The following MOK variants were observed in gnomAD, a reference collection of about 807,000 sequenced individuals.
MOK encodes the protein MAPK/MAK/MRK overlapping kinase.
Under a neutral mutation model 54.2 loss-of-function variants are expected in MOK, and 59 were observed. That is an observed-to-expected ratio of 1.09 (90% CI 0.88 to 1.35). The LOEUF is 1.35. Among genes scored for constraint, MOK ranks in the 40% most tolerant of loss-of-function variants. The probability of loss-of-function intolerance (pLI) is 0.00; values close to 1 mark genes in which losing one functional copy is unlikely to be tolerated. For synonymous variants in MOK, 210 were observed against 202.7 expected (o/e 1.04, Z -0.31); for missense variants, 517 against 526.2 (o/e 0.98, Z 0.17).
At chr14:102,226,742 T>A (rs1374095201), downstream of MOK, among the ~76,000 whole-genome samples, 3 of 152,110 alleles carry the variant, frequency 2.0e-5, no homozygotes, top group Admixed American at 2.0e-4. The surrounding 1 kb of genome is among the most constrained non-coding windows in gnomAD (Gnocchi z 4.8). Flanking sequence ...TTTCTCCAAA[T>A]CTGTAGGAAA....
intron 7 of MOK, among the ~76,000 whole-genome samples, chr14:102,237,666 A>G (rs1033840735): frequency 1.3e-5 from 2 of 151,868 alleles, no homozygotes; most frequent in African/African-American, 4.8e-5. Flanking sequence ...GTATCTCCCA[A>G]CCTCTCACAC....
chr14:102,240,367 A>T lies in MOK; in HGVS notation c.591-6578T>A, dbSNP rs2065614922. 6.5e-6 allele frequency: 1 copy of T among 153,348 alleles called. No homozygotes were observed. The highest frequency in any genetic ancestry group is 1.5e-5 in the Non-Finnish European group (1 of 68,940). 9.5% of individuals were successfully genotyped at this position (153,348 alleles called of 1,614,324 possible). A position where few individuals can be genotyped will look rare whatever the true frequency, so the allele number is the denominator to read the frequency against. ...GACAGGAGGACTCCTTCGGGAGACCAGTCCCCTGTCCTTGCCCTCACTCCG... is the reference window on the plus strand; with the variant it reads ...GACAGGAGGACTCCTTCGGGAGACCTGTCCCCTGTCCTTGCCCTCACTCCG... On this transcript the variant is annotated intron_variant, in intron 7 of 11. Transcript: ENST00000361847. This position sits in a 1 kb window ranked among gnomAD's most constrained non-coding sequence, Gnocchi z 5.4.
intron 2 of MOK, among the ~76,000 whole-genome samples, chr14:102,270,096 T>C (rs1353716197): frequency 6.6e-6 from 1 of 152,128 alleles, no homozygotes; most frequent in African/African-American, 2.4e-5. Flanking sequence ...CCACAATGGA[T>C]TAAATTAGAA....
Position 102,231,953 on chromosome 14 carries a change from A to G in MOK, c.867-132T>C, listed in dbSNP as rs2064767369. On this transcript the variant is annotated intron_variant, in intron 9 of 11. Transcript: ENST00000361847. The surrounding 1 kb of genome is among the most constrained non-coding windows in gnomAD (Gnocchi z 4.4). ...GCTCTTCTTTTCTGCCTGAGCTGTAATCAGGAGCCTTTTTTTTTCTTTTCT... is the reference window on the plus strand; with the variant it reads ...GCTCTTCTTTTCTGCCTGAGCTGTAGTCAGGAGCCTTTTTTTTTCTTTTCT... 1.5e-6 allele frequency: 1 copy of G among 654,310 alleles called. No individual in the cohort carries two copies. The highest frequency in any genetic ancestry group is 3.0e-5 in the Admixed American group (1 of 32,982). The allele number at this position is 654,310 out of a possible 1,614,324, so 40.5% of individuals were successfully genotyped here.
chr14:102,301,030 G>A (rs2072134405), intron 1 of MOK, among the ~76,000 whole-genome samples: 1 of 152,182 alleles, frequency 6.6e-6, no homozygotes, highest in Non-Finnish European at 1.5e-5. Context: ...AGGAGGCAGA[G>A]GTTGCAGTGA....
At position 102,250,352 on chromosome 14, in the gene MOK, TG is replaced by T. The variant is rs918013038; in HGVS notation, c.590+459del. 3.9e-3 allele frequency among the ~76,000 whole-genome samples: 589 copies of T among 151,030 alleles called. 5 individuals carry two copies. Among genetic ancestry groups the T allele is most frequent in the African/African-American group, 0.013 (552 of 41,242 alleles). On this transcript the variant is annotated intron_variant, in intron 7 of 11. Transcript: ENST00000361847. ...TGGGCCACTGCTCCTTGCCAAAGGC[TG>T]GGGGGGAGTGGGGGGTTTGGAGGAT...
At chr14:102,285,906 A>C (rs116217823) in intron 1 of MOK, among the ~76,000 whole-genome samples, 8,274 of 152,086 alleles carry the variant, frequency 0.054, 292 homozygotes, top group African/African-American at 0.1. Flanking sequence ...AAATAAAATA[A>C]AATACAATAC....
chr14:102,224,280 T>C (rs1192709856), downstream of MOK, among the ~76,000 whole-genome samples: 3 of 151,988 alleles, frequency 2.0e-5, no homozygotes, highest in East Asian at 1.9e-4. Flanking sequence ...GACCTCGTGA[T>C]CCGCCTGCCT....
downstream of MOK, chr14:102,223,076 A>G (rs2064102023): frequency 1.8e-6 from 1 of 543,428 alleles, no homozygotes. Flanking sequence ...AGTTGTTTCC[A>G]TTTTAAACCG....
chr14:102,260,176 CAAAAAAAAA>C (rs770385409), intron 4 of MOK, among the ~76,000 whole-genome samples: 1 of 76,256 alleles, frequency 1.3e-5, no homozygotes, highest in Non-Finnish European at 2.8e-5. Context: ...AACTCCATCT[CAAAAAAAAA>C]AAAAAAAAAA....
At chr14:102,254,846 A>G (rs957893804) in intron 4 of MOK, among the ~76,000 whole-genome samples, 1 of 152,096 alleles carries the variant, frequency 6.6e-6, no homozygotes, top group African/African-American at 2.4e-5. Flanking sequence ...GGTTGCTCCC[A>G]AAGCTCGCCT....
At chr14:102,256,724 TAA>T (rs11298006) in intron 4 of MOK, among the ~76,000 whole-genome samples, 3,399 of 135,752 alleles carry the variant, frequency 0.025, 52 homozygotes, top group African/African-American at 0.043. Context: ...TTGAAACAGT[TAA>T]AAAAAAAAAA....
intron 1 of MOK, among the ~76,000 whole-genome samples, chr14:102,298,270 G>A (rs960784804): frequency 1.3e-5 from 2 of 152,220 alleles, no homozygotes; most frequent in Non-Finnish European, 2.9e-5. Flanking sequence ...TCTGTATCTA[G>A]CTAATCTGGT....
At chr14:102,226,278 G>C (rs758133781), downstream of MOK, 3 of 698,048 alleles carry the variant, frequency 4.3e-6, no homozygotes, top group South Asian at 4.5e-5. This position sits in a 1 kb window ranked among gnomAD's most constrained non-coding sequence, Gnocchi z 4.8. Flanking sequence ...GGTGGATGAG[G>C]GTAGGCTCAC....
At chr14:102,219,266 C>G in the MOK span, among the ~76,000 whole-genome samples, 1 of 152,256 alleles carries the variant, frequency 6.6e-6, no homozygotes, top group Non-Finnish European at 1.5e-5. Context: ...CCTCCTGTTG[C>G]CTCCAGTGTT....
At chr14:102,265,256 G>A (rs2067800657) in intron 3 of MOK, among the ~76,000 whole-genome samples, 1 of 152,222 alleles carries the variant, frequency 6.6e-6, no homozygotes, top group Non-Finnish European at 1.5e-5. Context: ...GCCTAACTGA[G>A]CTCCAGGAGA....
chr14:102,277,224 A>G (rs2068961393), intron 2 of MOK: 1 of 151,992 alleles, frequency 6.6e-6, no homozygotes, highest in Admixed American at 6.6e-5. Context: ...AGCTTTATTC[A>G]TGGTAGCCCA....
At chr14:102,292,631 T>G (rs957853093) in intron 1 of MOK, among the ~76,000 whole-genome samples, 2 of 152,026 alleles carry the variant, frequency 1.3e-5, no homozygotes, top group African/African-American at 4.8e-5. Flanking sequence ...CACCTTGTCC[T>G]CCTGTTACAG....
intron 2 of MOK, among the ~76,000 whole-genome samples, chr14:102,282,840 C>G (rs1467841562): frequency 2.0e-5 from 3 of 151,752 alleles, no homozygotes; most frequent in Non-Finnish European, 4.4e-5. Flanking sequence ...TCACTTGAGG[C>G]CAAGGAGTTC....
Sources: allele counts gnomAD v4.1 joint callset (sites outside exome capture counted in the v4.1 genomes callset), GRCh38; gene constraint gnomAD v4.1.1; non-coding constraint Gnocchi (gnomAD v3.1); transcripts MANE v1.5; gene names NCBI Gene and HGNC (gene_info 2026-07-23, HGNC 2026-07-21).